PTPRA: variants seen among roughly 807,000 people sequenced by gnomAD.
PTPRA encodes receptor-type tyrosine-protein phosphatase alpha.
In PTPRA, 25 loss-of-function variants were observed where a neutral mutation model predicts 104.8. The observed-to-expected ratio is 0.24, with a 90% CI of 0.17 to 0.33. The LOEUF is 0.33. Ranked by LOEUF, PTPRA falls within the 10% of genes least tolerant of loss-of-function variation. PTPRA has a pLI of 1.00. For synonymous variants in PTPRA, 323 were observed against 368.9 expected, an observed-to-expected ratio of 0.88 and a Z score of 1.43; for missense variants, 765 against 1,015.3, an observed-to-expected ratio of 0.75 and a Z score of 3.35.
chr20:2,905,885 C>T (rs975101898), intron 1 of PTPRA, among the ~76,000 whole-genome samples: 2 of 151,802 alleles, frequency 1.3e-5, no homozygotes, highest in Non-Finnish European at 1.5e-5. Flanking sequence ...ATAGTTTCTC[C>T]ATGTTGGTCA....
In PTPRA at chr20:2,965,213, T is replaced by A; in HGVS notation, c.415+11T>A. The A allele has an allele frequency of 9.5e-6, 15 of 1,575,290 alleles. No individual in the cohort carries two copies. Among genetic ancestry groups the A allele is most frequent in the Non-Finnish European group, 1.3e-5 (15 of 1,151,138 alleles). On this transcript the variant is annotated intron_variant, in intron 5 of 23. Transcript: ENST00000399903. ...CTTTCCCTCCTTCAGGTACTAGAGA[T>A]GATTCTGTTTGTTCTTTTGCTCTTT...
intron 10 of PTPRA, among the ~76,000 whole-genome samples, chr20:3,006,723 G>C (rs1487807516): frequency 6.6e-6 from 1 of 152,166 alleles, no homozygotes; most frequent in Non-Finnish European, 1.5e-5. Context: ...TACCTCCTGG[G>C]TTCAAGCCAT....
rs909741201 is a variant in PTPRA at position 2,950,502 on chromosome 20, G to A, written c.-7+2478G>A. 6.6e-6 allele frequency among the ~76,000 whole-genome samples: 1 copy of A among 151,868 alleles called. No individual in the cohort carries two copies. The highest frequency in any genetic ancestry group is 1.5e-5 in the Non-Finnish European group (1 of 67,948). ...AAATACAAAAAAAAAAATTAGCCGG[G>A]CGTGGTGGCAGGCACCTGTAGTCCC... On this transcript the variant is annotated intron_variant, in intron 3 of 23. Transcript: ENST00000399903. This position sits in a 1 kb window ranked among gnomAD's most constrained non-coding sequence, Gnocchi z 4.0.
Position 2,926,847 on chromosome 20 carries a change from G to A in PTPRA, c.-50+3562G>A, listed in dbSNP as rs746195463. On this transcript the variant is annotated intron_variant, in intron 2 of 23. Transcript: ENST00000399903. The stretch of plus-strand genomic sequence containing the variant: ...GGTCTGTCGCTCAGGCTGGAGTACA[G>A]TGGTGTGATCTTGGCTCACTGCAAC... 1.1e-4 allele frequency among the ~76,000 whole-genome samples: 15 copies of A among 135,264 alleles called. No homozygotes were observed. The South Asian group carries it at 3.2e-3, about 29-fold the overall frequency. 88.7% of individuals were successfully genotyped at this position (135,264 alleles called of 152,430 possible). A position where few individuals can be genotyped will look rare whatever the true frequency, so the allele number is the denominator to read the frequency against.
intron 13 of PTPRA, among the ~76,000 whole-genome samples, chr20:3,019,031 C>T (rs2064658661): frequency 7.8e-6 from 1 of 128,562 alleles, no homozygotes; most frequent in South Asian, 2.8e-4. Flanking sequence ...GGCGGGGGGG[C>T]TGACCCCCCC....
chr20:2,905,851 CT>C (rs777231936), intron 1 of PTPRA, among the ~76,000 whole-genome samples: 80 of 151,870 alleles, frequency 5.3e-4, no homozygotes, highest in Non-Finnish European at 8.4e-4. Flanking sequence ...CACCTGGCTA[CT>C]TTTTTGTATT....
At chr20:2,979,841 G>A (rs979682445) in intron 6 of PTPRA, among the ~76,000 whole-genome samples, 1 of 152,144 alleles carries the variant, frequency 6.6e-6, no homozygotes, top group South Asian at 2.1e-4. Context: ...ACCGTGCCCG[G>A]CCCTGTTAAG....
chr20:2,942,320 T>A (rs2060950719), intron 2 of PTPRA, among the ~76,000 whole-genome samples: 1 of 152,202 alleles, frequency 6.6e-6, no homozygotes, highest in Non-Finnish European at 1.5e-5. Flanking sequence ...TTTTAAGATT[T>A]TGCAGTTAAA....
intron 2 of PTPRA, among the ~76,000 whole-genome samples, chr20:2,930,810 C>T (rs1439440179): frequency 1.3e-5 from 2 of 152,184 alleles, no homozygotes; most frequent in Non-Finnish European, 2.9e-5. Flanking sequence ...AATAAGGTCA[C>T]ATCCTATGGT....
intron 5 of PTPRA, among the ~76,000 whole-genome samples, chr20:2,973,622 T>C (rs1600196108): frequency 6.6e-6 from 1 of 152,276 alleles, no homozygotes; most frequent in Non-Finnish European, 1.5e-5. Flanking sequence ...GTTCTCACCA[T>C]TGGGTTCTAG....
chr20:2,996,776 C>G (rs2063412997), intron 9 of PTPRA, among the ~76,000 whole-genome samples: 1 of 151,996 alleles, frequency 6.6e-6, no homozygotes, highest in South Asian at 2.1e-4. Context: ...TTATTTTGGA[C>G]CTATCAGATT....
intron 20 of PTPRA, among the ~76,000 whole-genome samples, chr20:3,030,222 A>C (rs2065366500): frequency 2.6e-5 from 4 of 152,190 alleles, no homozygotes; most frequent in Admixed American, 2.6e-4. Context: ...GTGAGAGTAA[A>C]GGGCAGGGGG....
intron 5 of PTPRA, among the ~76,000 whole-genome samples, chr20:2,973,745 A>G (rs1489708873): frequency 6.6e-6 from 1 of 152,162 alleles, no homozygotes; most frequent in African/African-American, 2.4e-5. Flanking sequence ...GCTAGAATTC[A>G]TCACATGACC....
upstream of PTPRA, among the ~76,000 whole-genome samples, chr20:2,871,791 T>G (rs1297768308): frequency 6.6e-6 from 1 of 152,120 alleles, no homozygotes; most frequent in Non-Finnish European, 1.5e-5. Context: ...CTCACTGGGG[T>G]CTGAGCGTTA....
intron 9 of PTPRA, among the ~76,000 whole-genome samples, chr20:2,995,066 G>C (rs2063345098): frequency 6.6e-6 from 1 of 152,170 alleles, no homozygotes; most frequent in African/African-American, 2.4e-5. Flanking sequence ...GGAGGCAGAG[G>C]TTGCAGTGAG....
intron 1 of PTPRA, among the ~76,000 whole-genome samples, chr20:2,876,227 T>G (rs1424200284): frequency 6.6e-6 from 1 of 152,146 alleles, no homozygotes; most frequent in Non-Finnish European, 1.5e-5. Context: ...TGCTCAATTT[T>G]GGGAAAAGAT....
rs543226896 is a variant in PTPRA, at chr20:2,964,715, G to C, written c.74-146G>C. ...GAAAGGTCCAGCATGAGATAAAAAC[G>C]TAGGGGGTGGGTGGTGTTGAGGGGG... On this transcript the variant is annotated intron_variant, in intron 4 of 23. Transcript: ENST00000399903. The C allele has an allele frequency of 3.0e-4, 210 of 698,894 alleles. 1 individual carries two copies. The highest frequency in any genetic ancestry group is 2.1e-3 in the Admixed American group (72 of 34,836). 43.3% of individuals were successfully genotyped at this position (698,894 alleles called of 1,614,324 possible). A position where few individuals can be genotyped will look rare whatever the true frequency, so the allele number is the denominator to read the frequency against.
At chr20:2,905,905 C>T (rs1338924275) in intron 1 of PTPRA, among the ~76,000 whole-genome samples, 4 of 151,992 alleles carry the variant, frequency 2.6e-5, no homozygotes, top group East Asian at 3.9e-4. Flanking sequence ...AGGCTGGTCT[C>T]GAACTCCTGA....
chr20:2,992,378 A>G lies in PTPRA; in HGVS notation c.738+3904A>G, dbSNP rs187437518. On this transcript the variant is annotated intron_variant, in intron 9 of 23. Transcript: ENST00000399903. ...CTAAAAATACAAAAATTAGCCAGGC[A>G]TGGTGGCAAATGCCTGTAATCCCAG... 2.0e-3 allele frequency among the ~76,000 whole-genome samples: 300 copies of G among 152,252 alleles called. 3 individuals carry two copies. The East Asian group carries it at 0.025, about 13-fold the overall frequency.
Sources: allele counts gnomAD v4.1 joint callset (sites outside exome capture counted in the v4.1 genomes callset), GRCh38; gene constraint gnomAD v4.1.1; non-coding constraint Gnocchi (gnomAD v3.1); transcripts MANE v1.5; gene names NCBI Gene and HGNC (gene_info 2026-07-23, HGNC 2026-07-21).